Variants in RNGTT observed in about 807,000 individuals in gnomAD.
The protein encoded by RNGTT is mRNA-capping enzyme.
Under a neutral mutation model 79.3 loss-of-function variants are expected in RNGTT, and 33 were observed. That is an observed-to-expected ratio of 0.42 (90% CI 0.32 to 0.56). The LOEUF (loss-of-function observed/expected upper bound fraction) is 0.56. Ranked by LOEUF, RNGTT falls within the 20% of genes least tolerant of loss-of-function variation. RNGTT has a pLI of 0.17. For missense variants in RNGTT, 497 were observed against 739.1 expected (o/e 0.67, Z 3.80); for synonymous variants, 222 against 235.9 (o/e 0.94, Z 0.54).
intron 12 of RNGTT, among the ~76,000 whole-genome samples, chr6:88,800,631 A>C (rs1300436112): frequency 2.6e-5 from 4 of 152,232 alleles, no homozygotes; most frequent in Non-Finnish European, 5.9e-5. Context: ...AATCACTTGG[A>C]GAACTTGTCA....
chr6:88,774,970 A>G (rs1778824817), intron 12 of RNGTT, among the ~76,000 whole-genome samples: 1 of 152,170 alleles, frequency 6.6e-6, no homozygotes, highest in African/African-American at 2.4e-5. Flanking sequence ...TTTGTAAATA[A>G]TTGTGTTCTT....
intron 13 of RNGTT, among the ~76,000 whole-genome samples, chr6:88,745,762 T>TA (rs566622111): frequency 0.027 from 3,872 of 144,576 alleles, 139 homozygotes; most frequent in African/African-American, 0.088. Context: ...TGTGTCGTAT[T>TA]AAAAAAAAAA....
At chr6:88,626,980 C>G (rs1268796702) in intron 14 of RNGTT, among the ~76,000 whole-genome samples, 1 of 151,980 alleles carries the variant, frequency 6.6e-6, no homozygotes, top group Non-Finnish European at 1.5e-5. Context: ...ATCATGGATT[C>G]AATACATGCT....
At chr6:88,705,450 A>C (rs186147584) in intron 13 of RNGTT, among the ~76,000 whole-genome samples, 1 of 152,238 alleles carries the variant, frequency 6.6e-6, no homozygotes, top group East Asian at 1.9e-4. Flanking sequence ...ACCAAAACTG[A>C]CAGCTAAAGT....
chr6:88,812,655 G>T (rs1017868532), intron 11 of RNGTT, among the ~76,000 whole-genome samples: 2 of 152,170 alleles, frequency 1.3e-5, no homozygotes, highest in Non-Finnish European at 2.9e-5. Context: ...ACTGGACAGG[G>T]TATACAGTAA....
intron 13 of RNGTT, among the ~76,000 whole-genome samples, chr6:88,690,116 CAAG>C (rs1475492757): frequency 6.6e-6 from 1 of 151,846 alleles, no homozygotes; most frequent in African/African-American, 2.4e-5. Context: ...TCATGAAAAA[CAAG>C]AAGAAAGTAT....
At chr6:88,942,853 T>C (rs542735477) in intron 1 of RNGTT, among the ~76,000 whole-genome samples, 11 of 152,236 alleles carry the variant, frequency 7.2e-5, no homozygotes, top group Non-Finnish European at 1.6e-4. Flanking sequence ...GTTCTCACCT[T>C]AAGCTCTCAG....
At chr6:88,687,309 AACAG>A (rs1451156025) in intron 13 of RNGTT, among the ~76,000 whole-genome samples, 2 of 152,276 alleles carry the variant, frequency 1.3e-5, no homozygotes, top group African/African-American at 4.8e-5. Flanking sequence ...GGCTGTGGAA[AACAG>A]ACACTCTCGT....
chr6:88,882,727 G>A (rs530851084), intron 8 of RNGTT, among the ~76,000 whole-genome samples: 5 of 152,168 alleles, frequency 3.3e-5, no homozygotes, highest in Non-Finnish European at 7.4e-5. Context: ...TTACAAAAGA[G>A]CTGGTGGTAA....
intron 13 of RNGTT, among the ~76,000 whole-genome samples, chr6:88,700,143 A>G (rs914841236): frequency 1.2e-4 from 19 of 152,226 alleles, no homozygotes; most frequent in African/African-American, 4.6e-4. Flanking sequence ...TCACAATAAA[A>G]AAATGGCCAG....
intron 12 of RNGTT, among the ~76,000 whole-genome samples, chr6:88,776,918 T>C (rs1435559487): frequency 6.6e-6 from 1 of 152,172 alleles, no homozygotes; most frequent in Non-Finnish European, 1.5e-5. Context: ...ATCAAAAAGA[T>C]CATTGCCAAG....
At chr6:88,707,834 T>C (rs1776188068) in intron 13 of RNGTT, among the ~76,000 whole-genome samples, 1 of 151,870 alleles carries the variant, frequency 6.6e-6, no homozygotes, top group Admixed American at 6.6e-5. Flanking sequence ...TAAATGCTAT[T>C]ACCCAAAGCA....
intron 14 of RNGTT, among the ~76,000 whole-genome samples, chr6:88,664,833 G>T (rs1363352301): frequency 1.3e-5 from 2 of 152,194 alleles, no homozygotes; most frequent in Admixed American, 1.3e-4. Flanking sequence ...ACAGTTGGGG[G>T]CAAGGACATT....
chr6:88,845,829 T>G (rs917755353), intron 10 of RNGTT, among the ~76,000 whole-genome samples: 2 of 152,196 alleles, frequency 1.3e-5, no homozygotes, highest in African/African-American at 4.8e-5. Flanking sequence ...GGATATTTAT[T>G]GGGGAAATGC....
At chr6:88,781,231 CAAT>C (rs139401776) in intron 12 of RNGTT, among the ~76,000 whole-genome samples, 2,116 of 152,228 alleles carry the variant, frequency 0.014, 43 homozygotes, top group African/African-American at 0.048. Context: ...TGTAAAAATG[CAAT>C]AATAGCATTT....
At chr6:88,711,478 C>G (rs1221263090) in intron 13 of RNGTT, among the ~76,000 whole-genome samples, 3 of 152,168 alleles carry the variant, frequency 2.0e-5, no homozygotes, top group Non-Finnish European at 2.9e-5. Flanking sequence ...TGGTGTAGTA[C>G]TTTACAGTTA....
chr6:88,786,724 A>T (rs1444885182), intron 12 of RNGTT, among the ~76,000 whole-genome samples: 1 of 152,200 alleles, frequency 6.6e-6, no homozygotes, highest in East Asian at 1.9e-4. Context: ...TCAAATATTT[A>T]AGTATTTTTG....
chr6:88,863,112 G>A (rs1056123068), intron 8 of RNGTT, among the ~76,000 whole-genome samples: 4 of 152,132 alleles, frequency 2.6e-5, no homozygotes, highest in Non-Finnish European at 5.9e-5. Context: ...CAGTAATTAA[G>A]CAGACAACAT....
At chr6:88,886,006 C>G (rs376853717) in intron 8 of RNGTT, among the ~76,000 whole-genome samples, 2 of 152,136 alleles carry the variant, frequency 1.3e-5, no homozygotes, top group African/African-American at 4.8e-5. Flanking sequence ...GAAAGAAAGC[C>G]TAAAGAATTA....
Sources: allele counts gnomAD v4.1 joint callset (sites outside exome capture counted in the v4.1 genomes callset), GRCh38; gene constraint gnomAD v4.1.1; transcripts MANE v1.5; gene names NCBI Gene and HGNC (gene_info 2026-07-23, HGNC 2026-07-21).